Variants in FARP2 observed in about 807,000 individuals in gnomAD.
The protein encoded by FARP2 is FERM, ARH/RhoGEF and pleckstrin domain protein 2.
FARP2 carries 111 observed loss-of-function variants against 130.5 expected under a neutral mutation model. The ratio of observed to expected loss-of-function variants is 0.85; its 90% confidence interval spans 0.73 to 1.00. FARP2 has a LOEUF of 1.00. FARP2 is among the 50% of genes least tolerant of loss of function. The pLI, the probability that FARP2 is intolerant of heterozygous loss-of-function variation, is 0.00. For missense variants in FARP2, 1,385 were observed against 1,346.3 expected, an observed-to-expected ratio of 1.03 and a Z score of -0.45; for synonymous variants, 504 against 516.9, an observed-to-expected ratio of 0.98 and a Z score of 0.34.
intron 2 of FARP2, among the ~76,000 whole-genome samples, chr2:241,382,850 A>C (rs754931835): frequency 6.6e-6 from 1 of 152,198 alleles, no homozygotes; most frequent in Non-Finnish European, 1.5e-5. Flanking sequence ...TCACATTTTC[A>C]TCAGACTTGT....
intron 24 of FARP2, chr2:241,492,634 T>G (rs944580150): frequency 6.2e-6 from 2 of 324,052 alleles, no homozygotes; most frequent in African/African-American, 4.2e-5. Context: ...TTAAGGTATC[T>G]TCTCTCTTCT....
intron 26 of FARP2, 34 bp from the exon 27 acceptor site, chr2:241,493,974 G>C: frequency 7.9e-7 from 1 of 1,260,068 alleles, no homozygotes. Context: ...AGCACAAGAT[G>C]GCTCACTGGT....
chr2:241,488,910 T>C (rs1306588189), intron 21 of FARP2: 1 of 152,252 alleles, frequency 6.6e-6, no homozygotes, highest in Non-Finnish European at 1.5e-5. Flanking sequence ...TAGTCACTGT[T>C]TGGTGAACAC....
At chr2:241,399,917 C>A (rs1241000930) in intron 2 of FARP2, among the ~76,000 whole-genome samples, 1 of 152,158 alleles carries the variant, frequency 6.6e-6, no homozygotes, top group Non-Finnish European at 1.5e-5. Flanking sequence ...AAAAGATCAT[C>A]CTCCCTGTAC....
intron 2 of FARP2, among the ~76,000 whole-genome samples, chr2:241,387,623 C>G (rs2061816218): frequency 6.6e-6 from 1 of 151,984 alleles, no homozygotes; most frequent in Non-Finnish European, 1.5e-5. Flanking sequence ...GAAACCCCGT[C>G]TCTACTAAAA....
chr2:241,460,797 A>G (rs368413727), intron 14 of FARP2, among the ~76,000 whole-genome samples: 1 of 152,214 alleles, frequency 6.6e-6, no homozygotes, highest in Non-Finnish European at 1.5e-5. Flanking sequence ...ACATGGTGGC[A>G]GGGCTGTGGG....
rs2064907662 is a variant in FARP2 at position 241,491,442 on chromosome 2, C to T, written c.2624-74C>T. Reference sequence around the variant, plus strand: ...ATTTCCCCAGGACCCCCGAGAGGAACCCAAGGGGTGGAAGTATTTGGCAAG... The same window carrying T: ...ATTTCCCCAGGACCCCCGAGAGGAATCCAAGGGGTGGAAGTATTTGGCAAG... On this transcript the variant is annotated intron_variant, in intron 23 of 26. Coordinates refer to ENST00000264042, the MANE Select transcript of FARP2 (RefSeq NM_014808.4). 3 of 1,543,624 alleles carry T rather than the reference C, an allele frequency of 1.9e-6. No homozygotes were observed. In the Admixed American group the frequency reaches 5.2e-5, roughly 27 times the overall value.
intron 1 of FARP2, among the ~76,000 whole-genome samples, chr2:241,370,587 C>T (rs1247529402): frequency 6.6e-6 from 1 of 152,046 alleles, no homozygotes; most frequent in African/African-American, 2.4e-5. Context: ...TAAACATGTA[C>T]AATTATGCAC....
At chr2:241,465,348 C>T in intron 17 of FARP2, 1 of 802,778 alleles carries the variant, frequency 1.2e-6, no homozygotes, top group East Asian at 2.7e-5. Context: ...AGAGTCCCCC[C>T]TCCCCAGGGC....
Position 241,434,218 on chromosome 2 carries a change from T to A in FARP2, c.928T>A (p.Trp310Arg), listed in dbSNP as rs773075846. 1 of 1,613,968 alleles carries A rather than the reference T, an allele frequency of 6.2e-7. No individual in the cohort carries two copies. Among genetic ancestry groups the A allele is most frequent in the South Asian group, 1.1e-5 (1 of 91,060 alleles). The change falls in exon 10 of 27, where the codon TGG (tryptophan) becomes AGG (arginine). Residue 310 changes from tryptophan (W) to arginine (R), a missense_variant. By Grantham distance (101) the Trp-to-Arg change is moderately radical. Coordinates refer to ENST00000264042, the MANE Select transcript of FARP2 (RefSeq NM_014808.4). ...TAGTAGAGATGAATGTAAGAACTTC[T>A]GGAAGATTTGTGTGGAGTATCACAC... ...LGSRDECKNFWKICVEYHTFF... is the reference protein window; with the variant it reads ...LGSRDECKNFRKICVEYHTFF...
intron 8 of FARP2, among the ~76,000 whole-genome samples, chr2:241,426,879 A>G (rs180765605): frequency 1.3e-5 from 2 of 152,280 alleles, no homozygotes; most frequent in East Asian, 1.9e-4. Context: ...TCCTTTTATC[A>G]TGGTGGTCAA....
At chr2:241,373,506 G>A (rs536586895) in intron 2 of FARP2, among the ~76,000 whole-genome samples, 137 of 152,272 alleles carry the variant, frequency 9.0e-4, no homozygotes, top group Non-Finnish European at 1.4e-3. Context: ...AGTACAATTT[G>A]GTCTTTCTAC....
At chr2:241,469,804 G>A (rs1321159413) in intron 18 of FARP2, among the ~76,000 whole-genome samples, 1 of 152,192 alleles carries the variant, frequency 6.6e-6, no homozygotes, top group Non-Finnish European at 1.5e-5. Flanking sequence ...ATGTGCTTGA[G>A]GTACATAGGA....
chr2:241,412,848 C>T (rs542228175), intron 6 of FARP2, among the ~76,000 whole-genome samples: 1 of 152,114 alleles, frequency 6.6e-6, no homozygotes, highest in East Asian at 1.9e-4. Context: ...GGCAATGTGG[C>T]AAAACCTTAT....
chr2:241,493,279 A>G lies in FARP2; in HGVS notation c.2896-14A>G, dbSNP rs1340927433. ...CCCAGCCCCTGGAACCCGTGTCCCT[A>G]TGCTGTCTTGCAGGATGACTACCCA... On this transcript the variant is annotated splice_polypyrimidine_tract_variant and intron_variant, in intron 25 of 26. Coordinates refer to ENST00000264042, the MANE Select transcript of FARP2 (RefSeq NM_014808.4). The G allele has an allele frequency of 6.2e-7, 1 of 1,613,180 alleles. No homozygotes were observed. The highest frequency in any genetic ancestry group is 1.7e-5 in the Admixed American group (1 of 59,994).
intron 21 of FARP2, among the ~76,000 whole-genome samples, chr2:241,486,287 C>CTTTT (rs71406464): frequency 6.7e-5 from 7 of 103,886 alleles, no homozygotes; most frequent in Admixed American, 2.2e-4. Flanking sequence ...CTCCAAAAAT[C>CTTTT]TTTTTTTTTT....
chr2:241,387,653 C>G (rs576945899), intron 2 of FARP2, among the ~76,000 whole-genome samples: 1 of 151,864 alleles, frequency 6.6e-6, no homozygotes, highest in Non-Finnish European at 1.5e-5. Context: ...ATTAGCCAGG[C>G]GTGGTGGTGG....
chr2:241,406,473 A>G (rs1374972503), intron 4 of FARP2, among the ~76,000 whole-genome samples: 3 of 151,478 alleles, frequency 2.0e-5, no homozygotes, highest in East Asian at 1.9e-4. Flanking sequence ...GGGGTGGGCA[A>G]TCTCGTTCTG....
intron 21 of FARP2, among the ~76,000 whole-genome samples, chr2:241,487,713 C>A (rs1425414724): frequency 7.9e-6 from 1 of 126,142 alleles, no homozygotes; most frequent in Non-Finnish European, 1.7e-5. Context: ...ATACACTTAA[C>A]CTCTCTGATG....
Sources: gnomAD v4.1 joint callset for allele counts (sites outside exome capture counted in the v4.1 genomes callset) on GRCh38, gnomAD v4.1.1 for gene constraint, MANE v1.5 for transcripts, NCBI Gene and HGNC (gene_info 2026-07-23, HGNC 2026-07-21) for gene names.